HAPLN2: variants seen among roughly 807,000 people sequenced by gnomAD.
HAPLN2 encodes brain link protein-1.
A neutral mutation model predicts 29.3 loss-of-function variants in HAPLN2; 27 were observed. The ratio of observed to expected loss-of-function variants is 0.92; its 90% CI spans 0.68 to 1.27. The LOEUF is 1.27. Among genes scored for constraint, HAPLN2 ranks in the 50% most tolerant of loss-of-function variants. The pLI, the probability that HAPLN2 is intolerant of heterozygous loss-of-function variation, is 0.00. For synonymous variants in HAPLN2, 208 were observed against 211.7 expected, an observed-to-expected ratio of 0.98 and a Z score of 0.15; for missense variants, 454 against 484.3, an observed-to-expected ratio of 0.94 and a Z score of 0.59.
rs1331462716 is a variant in HAPLN2, at chr1:156,623,859, C to T, written c.138C>T (p.His46=). 4 of 1,558,296 alleles carry T rather than the reference C, an allele frequency of 2.6e-6. No individual in the cohort carries two copies. Among genetic ancestry groups the T allele is most frequent in the Non-Finnish European group, 2.6e-6 (3 of 1,152,896 alleles). ...YLLPPIHEVI[H]SHRGATATLP... ...TGCCCCCCATCCACGAGGTCATTCA[C>T]TCTCATCGTGGGGCCACGGCCACGC... Residue 46 remains histidine, a synonymous_variant, in exon 4 of 7, where the codon CAC becomes CAT. Transcript: ENST00000255039.
the HAPLN2 span, among the ~76,000 whole-genome samples, chr1:156,605,048 T>G: frequency 3.3e-5 from 5 of 151,614 alleles, no homozygotes. Flanking sequence ...GGAGGATCAT[T>G]TGAGGTCAGG....
chr1:156,608,781 T>A, the HAPLN2 span, among the ~76,000 whole-genome samples: 1 of 152,166 alleles, frequency 6.6e-6, no homozygotes. Flanking sequence ...GACCTCGTGA[T>A]CCACCCGCCC....
chr1:156,622,096 A>C (rs1057439613), intron 2 of HAPLN2, among the ~76,000 whole-genome samples: 2 of 152,176 alleles, frequency 1.3e-5, no homozygotes, highest in African/African-American at 4.8e-5. Context: ...ATATGTGGAT[A>C]CATATTATGT....
the HAPLN2 span, among the ~76,000 whole-genome samples, chr1:156,607,053 A>C: frequency 6.6e-6 from 1 of 152,126 alleles, no homozygotes; most frequent in African/African-American, 2.4e-5. Context: ...CCCCACTGCA[A>C]AATCCCATTG....
At chr1:156,617,634 C>A (rs1354339067), upstream of HAPLN2, among the ~76,000 whole-genome samples, 1 of 143,602 alleles carries the variant, frequency 7.0e-6, no homozygotes, top group East Asian at 2.1e-4. Flanking sequence ...TAGGTGTGAG[C>A]CATAGTGCCC....
At chr1:156,614,034 A>G in the HAPLN2 span, among the ~76,000 whole-genome samples, 1 of 152,194 alleles carries the variant, frequency 6.6e-6, no homozygotes, top group Non-Finnish European at 1.5e-5. Flanking sequence ...ATTCTTTCAC[A>G]GCAAAGAAGA....
chr1:156,623,139 G>A (rs1182603206), intron 2 of HAPLN2, among the ~76,000 whole-genome samples: 1 of 152,048 alleles, frequency 6.6e-6, no homozygotes, highest in African/African-American at 2.4e-5. Context: ...TGGAGAATGG[G>A]TGTTGGGAGA....
At position 156,624,653 on chromosome 1, in the gene HAPLN2, C is replaced by A; in HGVS notation, c.609C>A (p.Ser203=). 6.2e-7 allele frequency: 1 copy of A among 1,611,130 alleles called. No individual in the cohort carries two copies. Among genetic ancestry groups the A allele is most frequent in the Non-Finnish European group, 8.5e-7 (1 of 1,179,428 alleles). ...ACGCGGGCTGGCTGCTCGAGGGCTC[C>A]GTGCGCTACCCTGTGCTCACCGCAC... ...WCNAGWLLEG[S]VRYPVLTARA... The change falls in exon 6 of 7, where the codon TCC becomes TCA. Residue 203 remains serine (S), a synonymous_variant. Coordinates refer to ENST00000255039, the MANE Select transcript of HAPLN2 (RefSeq NM_021817.3).
chr1:156,610,484 A>G, the HAPLN2 span, among the ~76,000 whole-genome samples: 17 of 151,848 alleles, frequency 1.1e-4, no homozygotes, highest in African/African-American at 4.1e-4. Context: ...CTAAAAATAC[A>G]AAAAAATTAG....
Position 156,625,350 on chromosome 1 carries a change from C to A in HAPLN2, c.989C>A (p.Ala330Glu). ...TTCGGCTTCCCCAGGCCCCAACAGG[C>A]AGCCTATGGGACCTACTGCTACGCC... ...RSFGFPRPQQ[A>E]AYGTYCYAEN The change falls in exon 7 of 7, where the codon GCA (alanine) becomes GAA (glutamate). Residue 330 changes from alanine (A) to glutamate (E), a missense_variant. Coordinates refer to ENST00000255039, the MANE Select transcript of HAPLN2 (RefSeq NM_021817.3). This position sits in a 1 kb window ranked among gnomAD's most constrained non-coding sequence, Gnocchi z 5.7. 1 of 1,602,696 alleles carries A rather than the reference C, an allele frequency of 6.2e-7. No homozygotes were observed. Among genetic ancestry groups the A allele is most frequent in the Admixed American group, 1.7e-5 (1 of 59,118 alleles).
chr1:156,607,046 C>G, the HAPLN2 span, among the ~76,000 whole-genome samples: 2 of 152,178 alleles, frequency 1.3e-5, no homozygotes, highest in African/African-American at 4.8e-5. Flanking sequence ...CTTTCTCCCC[C>G]ACTGCAAAAT....
At chr1:156,602,549 CAAAAAAAAAAAAAAAA>C in the HAPLN2 span, among the ~76,000 whole-genome samples, 3 of 43,752 alleles carry the variant, frequency 6.9e-5, no homozygotes, top group Non-Finnish European at 1.3e-4. Context: ...CTAAAAATAC[CAAAAAAAAAAAAAAAA>C]AAAAAAAAAA....
Position 156,625,057 on chromosome 1 carries a change from TC to T in HAPLN2, c.740-42del. 1 of 1,525,958 alleles carries T rather than the reference TC, an allele frequency of 6.6e-7. No individual in the cohort carries two copies. The highest frequency in any genetic ancestry group is 8.7e-7 in the Non-Finnish European group (1 of 1,142,860). 94.5% of individuals were successfully genotyped at this position (1,525,958 alleles called of 1,614,324 possible). A position where few individuals can be genotyped will look rare whatever the true frequency, so the allele number is the denominator to read the frequency against. On this transcript the variant is annotated intron_variant, in intron 6 of 6. Transcript: ENST00000255039. This position sits in a 1 kb window ranked among gnomAD's most constrained non-coding sequence, Gnocchi z 5.7. ...GCCTCCTGGGTGTCAGCCGCCCCTCTCCGCCCACCCTGCCCTCGGTCGGTGA... is the reference window on the plus strand; with the variant it reads ...GCCTCCTGGGTGTCAGCCGCCCCTCTCGCCCACCCTGCCCTCGGTCGGTGA...
At chr1:156,610,942 A>G in the HAPLN2 span, among the ~76,000 whole-genome samples, 58 of 152,270 alleles carry the variant, frequency 3.8e-4, no homozygotes, top group African/African-American at 1.4e-3. Context: ...CATAAAAATC[A>G]TAAGTGGAAC....
At chr1:156,604,662 C>T in the HAPLN2 span, among the ~76,000 whole-genome samples, 1 of 152,266 alleles carries the variant, frequency 6.6e-6, no homozygotes, top group South Asian at 2.1e-4. Flanking sequence ...ATGTTACCTA[C>T]AGTAAGAACC....
At chr1:156,618,488 A>G (rs7538961), upstream of HAPLN2, among the ~76,000 whole-genome samples, 1 of 150,572 alleles carries the variant, frequency 6.6e-6, no homozygotes, top group East Asian at 2.0e-4. Context: ...TAAAAAAAAA[A>G]TTTTAAAAAG....
At chr1:156,613,125 C>T in the HAPLN2 span, among the ~76,000 whole-genome samples, 6 of 151,810 alleles carry the variant, frequency 4.0e-5, no homozygotes, top group South Asian at 8.3e-4. Flanking sequence ...CCGAGGCAGG[C>T]GGATTGTGAG....
At chr1:156,620,549 C>A (rs1331106534) in intron 2 of HAPLN2, among the ~76,000 whole-genome samples, 1 of 152,196 alleles carries the variant, frequency 6.6e-6, no homozygotes, top group African/African-American at 2.4e-5. Flanking sequence ...TTATCAAGTT[C>A]TCCTATAAAG....
chr1:156,611,054 G>C, the HAPLN2 span, among the ~76,000 whole-genome samples: 1 of 152,166 alleles, frequency 6.6e-6, no homozygotes, highest in South Asian at 2.1e-4. Context: ...GGCCAAGGTG[G>C]GTGGGTCCCT....
Sources: gnomAD v4.1 joint callset for allele counts (sites outside exome capture counted in the v4.1 genomes callset) on GRCh38, gnomAD v4.1.1 for gene constraint, Gnocchi (gnomAD v3.1) non-coding constraint, MANE v1.5 for transcripts, NCBI Gene and HGNC (gene_info 2026-07-23, HGNC 2026-07-21) for gene names.